The following BBS9 variants were observed in gnomAD, a reference collection of about 807,000 sequenced individuals.
BBS9 encodes protein PTHB1.
Under a neutral mutation model 117.7 loss-of-function variants are expected in BBS9, and 89 were observed. That is an observed-to-expected ratio of 0.76 (90% CI 0.64 to 0.90). The LOEUF (loss-of-function observed/expected upper bound fraction) is 0.90, where lower values mean the gene tolerates loss of function less well. Ranked by LOEUF, BBS9 falls within the 40% of genes least tolerant of loss-of-function variation. The pLI is 0.00. For missense variants in BBS9, 982 were observed against 1,042.2 expected, an observed-to-expected ratio of 0.94 and a Z score of 0.80; for synonymous variants, 379 against 370.9, an observed-to-expected ratio of 1.02 and a Z score of -0.25.
intron 9 of BBS9, among the ~76,000 whole-genome samples, chr7:33,314,747 C>G (rs1396875864): frequency 6.6e-6 from 1 of 152,122 alleles, no homozygotes; most frequent in Non-Finnish European, 1.5e-5. Context: ...TAGTCTTTGC[C>G]TTGAGAGAGC....
rs35669997 is a variant in BBS9 at position 33,386,455 on chromosome 7, C to CATTTATTT, written c.1963-1492_1963-1485dup. ...CCTGTGACTTTGACTAGCTTGCTTT[C>CATTTATTT]ATTTATTTATTTATTTATTTATTTA... On this transcript the variant is annotated intron_variant, in intron 18 of 22. Coordinates refer to ENST00000242067, the MANE Select transcript of BBS9 (RefSeq NM_198428.3). 6.0e-3 allele frequency among the ~76,000 whole-genome samples: 824 copies of CATTTATTT among 138,338 alleles called. 5 individuals are homozygous for CATTTATTT. The highest frequency in any genetic ancestry group is 0.029 in the East Asian group (139 of 4,716). The allele number at this position is 138,338 out of a possible 152,430, so 90.8% of individuals were successfully genotyped here.
chr7:33,320,025 C>A (rs1811364612), intron 9 of BBS9, among the ~76,000 whole-genome samples: 1 of 152,168 alleles, frequency 6.6e-6, no homozygotes, highest in African/African-American at 2.4e-5. Flanking sequence ...TGTTTTGATA[C>A]AGGCATACAA....
chr7:33,427,348 A>G (rs1033176095), intron 19 of BBS9, among the ~76,000 whole-genome samples: 4 of 152,198 alleles, frequency 2.6e-5, no homozygotes, highest in Non-Finnish European at 2.9e-5. Flanking sequence ...AGGGTGAGAG[A>G]TAAGAATAGA....
At chr7:33,395,454 A>G (rs1026067784) in intron 19 of BBS9, among the ~76,000 whole-genome samples, 1 of 152,156 alleles carries the variant, frequency 6.6e-6, no homozygotes, top group African/African-American at 2.4e-5. Context: ...TTTTGATGCT[A>G]TTACATGTGC....
At chr7:33,411,315 A>G (rs1831103000) in intron 19 of BBS9, among the ~76,000 whole-genome samples, 1 of 152,176 alleles carries the variant, frequency 6.6e-6, no homozygotes, top group South Asian at 2.1e-4. Flanking sequence ...TCATGAGTAG[A>G]ACAAGGGTTG....
At chr7:33,608,524 C>A (rs1864702019), downstream of BBS9, among the ~76,000 whole-genome samples, 1 of 151,958 alleles carries the variant, frequency 6.6e-6, no homozygotes, top group South Asian at 2.1e-4. Context: ...TTTCCTTTTC[C>A]CCACAGCCTT....
intron 10 of BBS9, among the ~76,000 whole-genome samples, chr7:33,337,607 G>A (rs146858149): frequency 0.011 from 1,659 of 152,086 alleles, 21 homozygotes; most frequent in African/African-American, 0.038. Flanking sequence ...AGAAAGTTTT[G>A]AAAGTAAACC....
At chr7:33,513,228 T>C (rs10232000) in intron 20 of BBS9, among the ~76,000 whole-genome samples, 30,176 of 152,128 alleles carry the variant, frequency 0.2, 3,450 homozygotes, top group East Asian at 0.5. Flanking sequence ...AAATTGTGTC[T>C]CCTGTCTACC....
chr7:33,378,904 T>A (rs1478402140), intron 17 of BBS9, among the ~76,000 whole-genome samples: 1 of 152,214 alleles, frequency 6.6e-6, no homozygotes, highest in African/African-American at 2.4e-5. Context: ...ATGCTATTGG[T>A]GTTCTGCTGA....
intron 9 of BBS9, among the ~76,000 whole-genome samples, chr7:33,317,810 G>T (rs1206546759): frequency 2.6e-5 from 4 of 152,200 alleles, no homozygotes; most frequent in Admixed American, 2.6e-4. Context: ...TCAGCACTTT[G>T]GGAGGACAAA....
rs1562773513 is a variant in BBS9 at position 33,193,421 on chromosome 7, C to CGTTTTTTTTTTTTTTTTTTTTT, written c.442+15830_442+15831insGTTTTTTTTTTTTTTTTTTTTT. Among the ~76,000 whole-genome samples, 4 of 67,792 alleles carry CGTTTTTTTTTTTTTTTTTTTTT rather than the reference C, an allele frequency of 5.9e-5. 1 individual carries two copies. The highest frequency in any genetic ancestry group is 1.3e-4 in the Non-Finnish European group (4 of 30,422). The allele number at this position is 67,792 out of a possible 152,430, so 44.5% of individuals were successfully genotyped here. On this transcript the variant is annotated intron_variant, in intron 5 of 22. Transcript: ENST00000242067. ...TTGTCTTCCCCTGTCCCTCTCTCTG[C>CGTTTTTTTTTTTTTTTTTTTTT]CTTTTTTTTTTTTTTTTTTTGTAGT...
chr7:33,347,241 C>T (rs1817758207), intron 12 of BBS9, among the ~76,000 whole-genome samples: 1 of 151,888 alleles, frequency 6.6e-6, no homozygotes, highest in Admixed American at 6.6e-5. Context: ...TAGAAAATTG[C>T]TAATATTTTT....
chr7:33,403,295 G>A (rs558343179), intron 19 of BBS9, among the ~76,000 whole-genome samples: 19 of 137,928 alleles, frequency 1.4e-4, no homozygotes, highest in Non-Finnish European at 2.8e-4. Flanking sequence ...TTTTTTTTTT[G>A]AGTTTTACTT....
intron 1 of BBS9, among the ~76,000 whole-genome samples, chr7:33,137,770 C>T (rs1790762706): frequency 6.6e-6 from 1 of 152,222 alleles, no homozygotes; most frequent in East Asian, 1.9e-4. Flanking sequence ...AGATGTAAGT[C>T]CTTATTGTTC....
intron 9 of BBS9, among the ~76,000 whole-genome samples, chr7:33,317,739 A>G (rs531504614): frequency 6.6e-6 from 1 of 152,194 alleles, no homozygotes; most frequent in Non-Finnish European, 1.5e-5. Flanking sequence ...GAATCTGATC[A>G]TGTCACTCCT....
chr7:33,443,545 G>A (rs962170986), intron 19 of BBS9, among the ~76,000 whole-genome samples: 1 of 152,086 alleles, frequency 6.6e-6, no homozygotes, highest in Non-Finnish European at 1.5e-5. Flanking sequence ...ATGTAAAATT[G>A]TTTGATCAGT....
At chr7:33,520,637 A>T (rs1216647317) in intron 20 of BBS9, among the ~76,000 whole-genome samples, 6 of 152,170 alleles carry the variant, frequency 3.9e-5, no homozygotes, top group African/African-American at 1.4e-4. Flanking sequence ...TTGTAATCCA[A>T]TGTACTTTCA....
At chr7:33,266,011 T>C (rs1798754590) in intron 7 of BBS9, among the ~76,000 whole-genome samples, 1 of 152,176 alleles carries the variant, frequency 6.6e-6, no homozygotes. Flanking sequence ...CATTTGTTTC[T>C]TATAGTCTGC....
intron 1 of BBS9, among the ~76,000 whole-genome samples, chr7:33,143,480 A>G (rs1791848369): frequency 6.6e-6 from 1 of 152,018 alleles, no homozygotes; most frequent in Non-Finnish European, 1.5e-5. Context: ...TTGTTTTGAT[A>G]TGCAAATCAA....
Sources: gnomAD v4.1 joint callset for allele counts (sites outside exome capture counted in the v4.1 genomes callset) on GRCh38, gnomAD v4.1.1 for gene constraint, MANE v1.5 for transcripts, NCBI Gene and HGNC (gene_info 2026-07-23, HGNC 2026-07-21) for gene names.